The following PTPRD variants were observed in gnomAD, a reference collection of about 807,000 sequenced individuals.
PTPRD encodes protein tyrosine phosphatase receptor type D.
In PTPRD, 34 loss-of-function variants were observed where a neutral mutation model predicts 214.5. The observed-to-expected ratio is 0.16, with a 90% CI of 0.12 to 0.21. The LOEUF (loss-of-function observed/expected upper bound fraction) is 0.21, where lower values mean the gene tolerates loss of function less well. Ranked by LOEUF, PTPRD falls within the 10% of genes least tolerant of loss-of-function variation. The pLI is 1.00. For missense variants in PTPRD, 2,545 were observed against 2,398.7 expected (o/e 1.06, Z -1.27); for synonymous variants, 1,128 against 845.7 (o/e 1.33, Z -5.79).
intron 8 of PTPRD, among the ~76,000 whole-genome samples, chr9:9,426,194 G>C (rs983602544): frequency 6.6e-6 from 1 of 152,128 alleles, no homozygotes; most frequent in Non-Finnish European, 1.5e-5. Flanking sequence ...CTGGAATATT[G>C]GGTCACTCCC....
At chr9:9,911,946 G>T (rs1374289677) in intron 5 of PTPRD, among the ~76,000 whole-genome samples, 1 of 151,958 alleles carries the variant, frequency 6.6e-6, no homozygotes. Context: ...TATGGAACCA[G>T]CTTATACTAC....
In PTPRD at chr9:8,532,713, C is replaced by T. The variant is rs533113571; in HGVS notation, c.353-3934G>A. On this transcript the variant is annotated intron_variant, in intron 14 of 45. Transcript: ENST00000381196. ...TAAATCAGACTTGACCTTCACAAAG[C>T]CATTTGTTCTGTCATTTTGAGAGGC... Among the ~76,000 whole-genome samples, 3 of 152,094 alleles carry T rather than the reference C, an allele frequency of 2.0e-5. No individual in the cohort carries two copies. The East Asian group carries it at 5.8e-4, about 29-fold the overall frequency.
intron 14 of PTPRD, among the ~76,000 whole-genome samples, chr9:8,628,168 A>G (rs933652942): frequency 3.3e-5 from 5 of 151,826 alleles, no homozygotes; most frequent in African/African-American, 1.2e-4. Context: ...ACTTTATAAC[A>G]TAAACGGCAA....
rs377478936 is a variant in PTPRD at position 10,338,352 on chromosome 9, T to A, written c.-545+2611A>T. ...AGTTGCCTGAAATTTAATGCTCGAT[T>A]TCTATCCATACCAATATAACTTTCA... On this transcript the variant is annotated intron_variant, in intron 3 of 45. Coordinates refer to ENST00000381196, the MANE Select transcript of PTPRD (RefSeq NM_002839.4). Among the ~76,000 whole-genome samples the A allele has an allele frequency of 7.6e-4, 115 of 151,780 alleles. 2 individuals are homozygous for A. In the South Asian group the frequency reaches 0.021, roughly 28 times the overall value.
chr9:9,147,922 C>A (rs2099871416), intron 10 of PTPRD, among the ~76,000 whole-genome samples: 1 of 152,202 alleles, frequency 6.6e-6, no homozygotes, highest in Admixed American at 6.5e-5. Flanking sequence ...AAGGTGGACT[C>A]AGCAATTGGT....
chr9:8,454,809 ATAG>A (rs1262924522), intron 33 of PTPRD, among the ~76,000 whole-genome samples: 1 of 107,732 alleles, frequency 9.3e-6, no homozygotes, highest in Non-Finnish European at 1.8e-5. Context: ...CACTGAATAC[ATAG>A]TGTGTGTGTG....
At chr9:9,430,014 C>A (rs1328014024) in intron 8 of PTPRD, among the ~76,000 whole-genome samples, 2 of 152,158 alleles carry the variant, frequency 1.3e-5, no homozygotes, top group Non-Finnish European at 2.9e-5. Context: ...CCCTCTCTCA[C>A]CACTCCTATT....
intron 8 of PTPRD, among the ~76,000 whole-genome samples, chr9:9,533,973 T>C (rs1447626725): frequency 2.0e-5 from 3 of 152,068 alleles, no homozygotes; most frequent in Non-Finnish European, 4.4e-5. Flanking sequence ...GTCAAGCTCA[T>C]TTAAAAAATA....
At chr9:8,939,679 T>TAAA (rs2099019446) in intron 11 of PTPRD, among the ~76,000 whole-genome samples, 2 of 152,158 alleles carry the variant, frequency 1.3e-5, no homozygotes, top group Non-Finnish European at 2.9e-5. Flanking sequence ...TTTAACTATT[T>TAAA]CTTTCCTTTT....
chr9:8,925,863 T>A (rs943435398), intron 11 of PTPRD, among the ~76,000 whole-genome samples: 3 of 150,572 alleles, frequency 2.0e-5, no homozygotes, highest in Non-Finnish European at 3.0e-5. Flanking sequence ...GCAATATTTT[T>A]TTTTTTTTTT....
At chr9:10,490,848 G>A (rs905721201) in intron 2 of PTPRD, among the ~76,000 whole-genome samples, 1 of 152,000 alleles carries the variant, frequency 6.6e-6, no homozygotes, top group Non-Finnish European at 1.5e-5. Flanking sequence ...TTTGCTTTTT[G>A]CTTTGCGCCT....
chr9:9,323,076 T>C (rs1967400634), intron 9 of PTPRD, among the ~76,000 whole-genome samples: 1 of 152,132 alleles, frequency 6.6e-6, no homozygotes, highest in Non-Finnish European at 1.5e-5. Flanking sequence ...TTAGGGTATT[T>C]TGAATACCCT....
At chr9:8,821,449 G>A (rs1488043432) in intron 11 of PTPRD, among the ~76,000 whole-genome samples, 2 of 152,100 alleles carry the variant, frequency 1.3e-5, no homozygotes, top group Admixed American at 6.6e-5. Context: ...CTTCTACTGC[G>A]GTTTGTTTCT....
intron 4 of PTPRD, among the ~76,000 whole-genome samples, chr9:9,945,475 A>G (rs2092416195): frequency 6.6e-6 from 1 of 152,176 alleles, no homozygotes. Context: ...TGTTAATGAA[A>G]TATGCAGGAA....
chr9:10,288,313 TA>T (rs5896381), intron 3 of PTPRD, among the ~76,000 whole-genome samples: 8,133 of 147,184 alleles, frequency 0.055, 520 homozygotes, highest in Admixed American at 0.17. Context: ...TAGATTTTTT[TA>T]AAAATTCCAT....
chr9:9,527,388 G>A (rs560875565), intron 8 of PTPRD, among the ~76,000 whole-genome samples: 42 of 152,246 alleles, frequency 2.8e-4, no homozygotes, highest in South Asian at 1.0e-3. Flanking sequence ...TGTGAAGCGT[G>A]GGCACTTGTT....
At chr9:9,655,869 T>C (rs1295650694) in intron 7 of PTPRD, among the ~76,000 whole-genome samples, 1 of 151,140 alleles carries the variant, frequency 6.6e-6, no homozygotes, top group South Asian at 2.1e-4. Flanking sequence ...TCCGAGATAC[T>C]CAGGAGACTG....
Position 9,460,629 on chromosome 9 carries a change from A to G in PTPRD, c.-236-63147T>C, listed in dbSNP as rs1052761914. Among the ~76,000 whole-genome samples, 12 of 152,138 alleles carry G rather than the reference A, an allele frequency of 7.9e-5. No individual in the cohort carries two copies. The South Asian group carries it at 8.3e-4, about 10-fold the overall frequency. ...CAAATTAAAACCACAATAAGATACCATCTTATACCAAATAGAATAACTATT... is the reference window on the plus strand; with the variant it reads ...CAAATTAAAACCACAATAAGATACCGTCTTATACCAAATAGAATAACTATT... On this transcript the variant is annotated intron_variant, in intron 8 of 45. Coordinates refer to ENST00000381196, the MANE Select transcript of PTPRD (RefSeq NM_002839.4).
chr9:8,439,934 AATTTTTTTTTTTT>A (rs2095487785), intron 34 of PTPRD, among the ~76,000 whole-genome samples: 2 of 66,018 alleles, frequency 3.0e-5, no homozygotes, highest in African/African-American at 1.1e-4. Flanking sequence ...GATGTGCTTT[AATTTTTTTTTTTT>A]TTTTTTTTTT....
Sources: gnomAD v4.1 joint callset for allele counts (sites outside exome capture counted in the v4.1 genomes callset) on GRCh38, gnomAD v4.1.1 for gene constraint, MANE v1.5 for transcripts, NCBI Gene and HGNC (gene_info 2026-07-23, HGNC 2026-07-21) for gene names.